The following ZNF214 variants were observed in gnomAD, a reference collection of about 807,000 sequenced individuals.
ZNF214 encodes the protein zinc finger protein 214.
In ZNF214, 43 loss-of-function variants were observed where a neutral mutation model predicts 53.9. The ratio of observed to expected loss-of-function variants is 0.80; its 90% confidence interval spans 0.63 to 1.03. The LOEUF (loss-of-function observed/expected upper bound fraction) is 1.03, where lower values mean the gene tolerates loss of function less well. Ranked by LOEUF, ZNF214 falls within the 50% of genes least tolerant of loss-of-function variation. ZNF214 has a pLI of 0.00. For missense variants in ZNF214, 724 were observed against 719.1 expected, an observed-to-expected ratio of 1.01 and a Z score of -0.08; for synonymous variants, 217 against 229.5, an observed-to-expected ratio of 0.95 and a Z score of 0.49.
intron 1 of ZNF214, among the ~76,000 whole-genome samples, chr11:7,007,588 T>C (rs34957295): frequency 0.15 from 23,033 of 151,608 alleles, 2,158 homozygotes; most frequent in Non-Finnish European, 0.21. Context: ...CCAAAATAAA[T>C]TGAATCCACA....
chr11:7,003,473 C>T (rs1226740433), intron 1 of ZNF214, among the ~76,000 whole-genome samples: 2 of 151,890 alleles, frequency 1.3e-5, no homozygotes, highest in Non-Finnish European at 2.9e-5. Flanking sequence ...ATGAATAGGG[C>T]TATGTTATCT....
chr11:7,016,408 A>T (rs1259848236), intron 1 of ZNF214, among the ~76,000 whole-genome samples: 2 of 152,216 alleles, frequency 1.3e-5, no homozygotes, highest in Non-Finnish European at 2.9e-5. Context: ...TCTAAAACTT[A>T]TTATATATAT....
chr11:7,016,098 C>A (rs1851757977), intron 1 of ZNF214: 1 of 151,748 alleles, frequency 6.6e-6, no homozygotes, highest in Non-Finnish European at 1.5e-5. Flanking sequence ...AGAATTATAT[C>A]AGATATGCAT....
rs1851374600 is a variant in ZNF214, at chr11:7,002,347, A to C, written c.127+362T>G. On this transcript the variant is annotated intron_variant, in intron 2 of 2. Coordinates refer to ENST00000278314, the MANE Select transcript of ZNF214 (RefSeq NM_013249.4). ...TCAATGAGAATCATAAAAAATAATA[A>C]AGTTTGTTTTTAAGCCACTAAGTCT... 2.0e-5 allele frequency among the ~76,000 whole-genome samples: 3 copies of C among 152,018 alleles called. No homozygotes were observed. The South Asian group carries it at 6.2e-4, about 31-fold the overall frequency.
chr11:7,013,916 T>C (rs1176851081), intron 1 of ZNF214, among the ~76,000 whole-genome samples: 4 of 152,240 alleles, frequency 2.6e-5, no homozygotes, highest in Non-Finnish European at 4.4e-5. Context: ...CATATGATTA[T>C]TGTAATGGAT....
intron 1 of ZNF214, among the ~76,000 whole-genome samples, chr11:7,018,016 C>CTA (rs1851816105): frequency 6.6e-6 from 1 of 152,046 alleles, no homozygotes; most frequent in Non-Finnish European, 1.5e-5. Context: ...TTTATATATA[C>CTA]TAATCTTTTT....
In ZNF214 at chr11:6,997,550, T is replaced by C. The variant is rs1424257340; in HGVS notation, c.*2312A>G. 2.0e-5 allele frequency among the ~76,000 whole-genome samples: 3 copies of C among 151,464 alleles called. No homozygotes were observed. The East Asian group carries it at 5.8e-4, about 29-fold the overall frequency. On this transcript the variant is annotated 3_prime_UTR_variant, in exon 3 of 3. Transcript: ENST00000278314. ...TCCCATTTTGAAAGGTATATGCACT[T>C]TTTTTAGTTTTATTAAGTTGTAATT... is the stretch of plus-strand genomic sequence containing the variant.
Position 7,000,552 on chromosome 11 carries a change from C to T in ZNF214, c.1131G>A (p.Gln377=), listed in dbSNP as rs1306779515. 6.2e-7 allele frequency: 1 copy of T among 1,612,016 alleles called. No homozygotes were observed. Among genetic ancestry groups the T allele is most frequent in the Admixed American group, 1.7e-5 (1 of 59,780 alleles). Residue 377 remains glutamine, a synonymous_variant, in exon 3 of 3, where the codon CAG becomes CAA. Transcript: ENST00000278314. ...FNRSSVLHVH[Q]RVHTGEKPYK... The stretch of plus-strand genomic sequence containing the variant: ...ATGGTTTTTCTCCTGTGTGGACTCT[C>T]TGATGAACATGAAGTACTGAACTCC...
Position 6,997,755 on chromosome 11 carries a change from A to G in ZNF214, c.*2107T>C, listed in dbSNP as rs1242198261. Reference sequence around the variant, plus strand: ...TTAAATTTGAATTTCAAATGTATGAAATTTTAGTGTAAGTCCCATGCAATA... The same window carrying G: ...TTAAATTTGAATTTCAAATGTATGAGATTTTAGTGTAAGTCCCATGCAATA... On this transcript the variant is annotated 3_prime_UTR_variant, in exon 3 of 3. Coordinates refer to ENST00000278314, the MANE Select transcript of ZNF214 (RefSeq NM_013249.4). Among the ~76,000 whole-genome samples, 1 of 151,856 alleles carries G rather than the reference A, an allele frequency of 6.6e-6. No homozygotes were observed. The highest frequency in any genetic ancestry group is 2.4e-5 in the African/African-American group (1 of 41,396).
In ZNF214 at chr11:7,001,461, G is replaced by A. The variant is rs575553428; in HGVS notation, c.222C>T (p.Gly74=). 1.1e-5 allele frequency: 18 copies of A among 1,612,956 alleles called. No individual in the cohort carries two copies. The highest frequency in any genetic ancestry group is 9.3e-5 in the African/African-American group (7 of 74,920). Residue 74 remains glycine (G), a synonymous_variant, in exon 3 of 3, where the codon GGC becomes GGT. Coordinates refer to ENST00000278314, the MANE Select transcript of ZNF214 (RefSeq NM_013249.4). ...FSYWQGWWNA[G]AQMYENQNYG... ...AGTTCTGATTCTCATACATCTGGGCGCCAGCATTCCACCAGCCTTGCCAGT... is the reference window on the plus strand; with the variant it reads ...AGTTCTGATTCTCATACATCTGGGCACCAGCATTCCACCAGCCTTGCCAGT...
chr11:7,015,817 T>C (rs1181223403), intron 1 of ZNF214: 1 of 152,182 alleles, frequency 6.6e-6, no homozygotes, highest in Non-Finnish European at 1.5e-5. Flanking sequence ...GAGGAGAGGC[T>C]AATTCAATGG....
chr11:7,011,859 C>CA (rs1851613495), intron 1 of ZNF214, among the ~76,000 whole-genome samples: 1 of 151,794 alleles, frequency 6.6e-6, no homozygotes, highest in African/African-American at 2.4e-5. Context: ...AGTAAGATAC[C>CA]ATTCACACCA....
At position 7,000,406 on chromosome 11, in the gene ZNF214, C is replaced by T. The variant is rs531102831; in HGVS notation, c.1277G>A (p.Arg426His). ...CEDCGKGFTQRSNLQIHQRVH... is the reference protein window; with the variant it reads ...CEDCGKGFTQHSNLQIHQRVH... ...TCTCTGATGAATTTGAAGATTTGAG[C>T]GCTGGGTAAAGCCTTTACCACAGTC... Residue 426 changes from arginine to histidine, a missense_variant, in exon 3 of 3, where the codon CGC becomes CAC. By Grantham distance (29) the Arg-to-His change is conservative. Coordinates refer to ENST00000278314, the MANE Select transcript of ZNF214 (RefSeq NM_013249.4). 2.4e-5 allele frequency: 39 copies of T among 1,613,332 alleles called. No homozygotes were observed. Among genetic ancestry groups the T allele is most frequent in the Admixed American group, 1.3e-4 (8 of 59,878 alleles).
At position 7,000,403 on chromosome 11, in the gene ZNF214, G is replaced by A; in HGVS notation, c.1280C>T (p.Ser427Leu). Residue 427 changes from serine (S) to leucine (L), a missense_variant, in exon 3 of 3, where the codon TCA becomes TTA. Coordinates refer to ENST00000278314, the MANE Select transcript of ZNF214 (RefSeq NM_013249.4). ...CACTCTCTGATGAATTTGAAGATTTGAGCGCTGGGTAAAGCCTTTACCACA... is the reference window on the plus strand; with the variant it reads ...CACTCTCTGATGAATTTGAAGATTTAAGCGCTGGGTAAAGCCTTTACCACA... ...EDCGKGFTQR[S>L]NLQIHQRVHT... The A allele has an allele frequency of 6.2e-7, 1 of 1,613,398 alleles. No homozygotes were observed. Among genetic ancestry groups the A allele is most frequent in the Non-Finnish European group, 8.5e-7 (1 of 1,179,616 alleles).
chr11:7,013,736 C>T (rs1010174975), intron 1 of ZNF214, among the ~76,000 whole-genome samples: 18 of 152,280 alleles, frequency 1.2e-4, no homozygotes, highest in African/African-American at 4.3e-4. Context: ...GGTGTTGGGT[C>T]TGATCACCCC....
At chr11:7,001,922 C>T (rs1023139200) in intron 2 of ZNF214, among the ~76,000 whole-genome samples, 7 of 151,918 alleles carry the variant, frequency 4.6e-5, no homozygotes, top group Non-Finnish European at 1.0e-4. Context: ...TTATAAGAAA[C>T]AAAATATATT....
In ZNF214 at chr11:6,998,470, A is replaced by G. The variant is rs1851237944; in HGVS notation, c.*1392T>C. On this transcript the variant is annotated 3_prime_UTR_variant, in exon 3 of 3. Coordinates refer to ENST00000278314, the MANE Select transcript of ZNF214 (RefSeq NM_013249.4). ...TCATATCTGTTCTTTCTTAGTTTCCATCTCATTATCCTTTTCAGATACATT... is the reference window on the plus strand; with the variant it reads ...TCATATCTGTTCTTTCTTAGTTTCCGTCTCATTATCCTTTTCAGATACATT... Among the ~76,000 whole-genome samples the G allele has an allele frequency of 6.6e-6, 1 of 151,858 alleles. No individual in the cohort carries two copies. The highest frequency in any genetic ancestry group is 6.6e-5 in the Admixed American group (1 of 15,206).
chr11:7,016,257 C>T (rs1031775915), intron 1 of ZNF214, among the ~76,000 whole-genome samples: 1 of 152,036 alleles, frequency 6.6e-6, no homozygotes, highest in African/African-American at 2.4e-5. Context: ...AAGATGAAAG[C>T]CTAGCTAAGT....
chr11:7,018,102 TAC>T lies in ZNF214; in HGVS notation c.-21+1969_-21+1970del, dbSNP rs543277190. Among the ~76,000 whole-genome samples, 273 of 152,316 alleles carry T rather than the reference TAC, an allele frequency of 1.8e-3. 1 individual carries two copies. Among genetic ancestry groups the T allele is most frequent in the African/African-American group, 6.2e-3 (259 of 41,574 alleles). On this transcript the variant is annotated intron_variant, in intron 1 of 2. Transcript: ENST00000278314. ...ATGTATACATACATATCAGTATTTG[TAC>T]AGACTAGTGAGTACATATATACAAT...
Sources: allele counts gnomAD v4.1 joint callset (sites outside exome capture counted in the v4.1 genomes callset), GRCh38; gene constraint gnomAD v4.1.1; transcripts MANE v1.5; gene names NCBI Gene and HGNC (gene_info 2026-07-23, HGNC 2026-07-21).